The following WDHD1 variants were observed in gnomAD, a reference collection of about 807,000 sequenced individuals.
WDHD1 encodes WD repeat and HMG-box DNA-binding protein 1.
A neutral mutation model predicts 135.4 loss-of-function variants in WDHD1; 111 were observed. The ratio of observed to expected loss-of-function variants is 0.82; its 90% CI spans 0.70 to 0.96. The LOEUF (loss-of-function observed/expected upper bound fraction) is 0.96. WDHD1 is among the 40% of genes least tolerant of loss of function. The pLI, the probability that WDHD1 is intolerant of heterozygous loss-of-function variation, is 0.00. For missense variants in WDHD1, 1,351 were observed against 1,336.3 expected, an observed-to-expected ratio of 1.01 and a Z score of -0.17; for synonymous variants, 434 against 439.0, an observed-to-expected ratio of 0.99 and a Z score of 0.14.
chr14:54,949,708 A>G (rs2041007495), intron 24 of WDHD1, among the ~76,000 whole-genome samples: 1 of 152,218 alleles, frequency 6.6e-6, no homozygotes, highest in Non-Finnish European at 1.5e-5. Context: ...TGTCAGATTC[A>G]CCAAAGTTGA....
Position 55,013,136 on chromosome 14 carries a change from G to A in WDHD1, c.189+349C>T, listed in dbSNP as rs188408156. Among the ~76,000 whole-genome samples, 10 of 144,892 alleles carry A rather than the reference G, an allele frequency of 6.9e-5. No homozygotes were observed. The East Asian group carries it at 2.0e-3, about 29-fold the overall frequency. On this transcript the variant is annotated intron_variant, in intron 3 of 25. Coordinates refer to ENST00000360586, the MANE Select transcript of WDHD1 (RefSeq NM_007086.4). Reference sequence around the variant, plus strand: ...AGCTGCCCGGGAGGCTGAACTGGGAGGACTGCTTGAGCCCAGGAGTTTGAG... The same window carrying A: ...AGCTGCCCGGGAGGCTGAACTGGGAAGACTGCTTGAGCCCAGGAGTTTGAG...
chr14:54,959,141 A>C (rs2041207143), intron 21 of WDHD1, among the ~76,000 whole-genome samples: 1 of 151,558 alleles, frequency 6.6e-6, no homozygotes, highest in Non-Finnish European at 1.5e-5. Context: ...GAGGCTGAGG[A>C]GGGAGGACTG....
intron 16 of WDHD1, among the ~76,000 whole-genome samples, chr14:54,978,888 C>A (rs1219133311): frequency 6.6e-6 from 1 of 152,226 alleles, no homozygotes. Flanking sequence ...CCAAATCTAT[C>A]TGCATTTGTG....
chr14:54,977,915 AAAAAAAAAAAGCATGTTAAG>A (rs2041554062), intron 16 of WDHD1, among the ~76,000 whole-genome samples: 10 of 149,200 alleles, frequency 6.7e-5, no homozygotes, highest in Admixed American at 4.7e-4. Context: ...TTGTGTGGAA[AAAAAAAAAAAGCATGTTAAG>A]AAAAAAAAAG....
intron 21 of WDHD1, among the ~76,000 whole-genome samples, chr14:54,958,143 T>C (rs2041191272): frequency 6.6e-6 from 1 of 151,826 alleles, no homozygotes; most frequent in Admixed American, 6.6e-5. Context: ...TTTTTTTTTT[T>C]GAGACAGAGT....
chr14:55,017,118 G>C (rs2140230034), intron 2 of WDHD1, among the ~76,000 whole-genome samples: 1 of 152,234 alleles, frequency 6.6e-6, no homozygotes, highest in South Asian at 2.1e-4. Flanking sequence ...CATCAGTGGG[G>C]ATTCTATCTA....
At chr14:54,972,470 C>T (rs933961227) in intron 16 of WDHD1, among the ~76,000 whole-genome samples, 7 of 141,414 alleles carry the variant, frequency 4.9e-5, no homozygotes, top group South Asian at 2.3e-4. Context: ...CCCAGCTACT[C>T]GGGAGGGTAA....
At chr14:54,962,320 A>G (rs1189878628) in intron 21 of WDHD1, among the ~76,000 whole-genome samples, 178 bp downstream of exon 21, 1 of 152,190 alleles carries the variant, frequency 6.6e-6, no homozygotes, top group Non-Finnish European at 1.5e-5. Context: ...GGCATTTTAT[A>G]AACATCTGTT....
chr14:55,007,416 TCC>T, intron 6 of WDHD1, 41 bp from the exon 7 acceptor site: 1 of 1,412,428 alleles, frequency 7.1e-7, no homozygotes, highest in Non-Finnish European at 9.7e-7. Flanking sequence ...TTTATGAAAA[TCC>T]CCCCCAAAAT....
chr14:54,988,119 C>A (rs943678052), intron 13 of WDHD1, among the ~76,000 whole-genome samples: 14 of 152,166 alleles, frequency 9.2e-5, no homozygotes, highest in African/African-American at 3.4e-4. Flanking sequence ...TTTTTCTTGA[C>A]ATCTATCTAC....
intron 23 of WDHD1, 38 bp downstream of exon 23, chr14:54,956,996 A>C: frequency 1.9e-6 from 3 of 1,595,036 alleles, no homozygotes; most frequent in Non-Finnish European, 2.6e-6. Context: ...AACAGATCCC[A>C]TGCTGCTTAC....
intron 17 of WDHD1, 111 bp downstream of exon 17, chr14:54,967,169 A>C (rs2041358283): frequency 2.3e-6 from 2 of 886,698 alleles, no homozygotes; most frequent in African/African-American, 1.7e-5. Flanking sequence ...CTATTTATGT[A>C]ATTATACAGT....
chr14:54,989,956 G>A (rs2041758125), intron 12 of WDHD1, among the ~76,000 whole-genome samples: 2 of 152,206 alleles, frequency 1.3e-5, no homozygotes, highest in South Asian at 2.1e-4. Flanking sequence ...GAGCCATCAC[G>A]CCCGGCAGAG....
chr14:55,006,550 AT>A (rs1214853564), intron 7 of WDHD1, among the ~76,000 whole-genome samples: 1 of 152,034 alleles, frequency 6.6e-6, no homozygotes, highest in Non-Finnish European at 1.5e-5. Flanking sequence ...TTTTCTTGGG[AT>A]TTACTCATAT....
At position 55,002,179 on chromosome 14, in the gene WDHD1, C is replaced by A. The variant is rs756619414; in HGVS notation, c.607G>T (p.Ala203Ser). The A allele has an allele frequency of 1.9e-6, 3 of 1,588,790 alleles. No homozygotes were observed. Among genetic ancestry groups the A allele is most frequent in the Non-Finnish European group, 2.6e-6 (3 of 1,169,012 alleles). ...AWQPKSGKLL[A>S]IPVEKSVKLY... is the part of the protein sequence containing the mutation. ...TTAACAGATTTTTCCACAGGAATTG[C>A]CAGTAACTATTAGAAAAGATAAACA... The change falls in exon 8 of 26, where the codon GCA becomes TCA. Residue 203 changes from alanine (A) to serine (S), a missense_variant. Physicochemically the swap from Ala to Ser is moderately conservative, Grantham distance 99. Coordinates refer to ENST00000360586, the MANE Select transcript of WDHD1 (RefSeq NM_007086.4).
At chr14:55,000,845 G>T in intron 9 of WDHD1, 41 bp downstream of exon 9, 1 of 1,387,496 alleles carries the variant, frequency 7.2e-7, no homozygotes, top group South Asian at 1.7e-5. Context: ...AAAACTAATA[G>T]AGATGAGCAA....
intron 14 of WDHD1, among the ~76,000 whole-genome samples, chr14:54,985,934 A>C (rs1235971926): frequency 6.6e-6 from 1 of 152,216 alleles, no homozygotes; most frequent in Non-Finnish European, 1.5e-5. Context: ...ACTACATAAG[A>C]AGCAAGCTTG....
intron 21 of WDHD1, 99 bp downstream of exon 21, chr14:54,962,399 A>AT (rs2041266258): frequency 4.6e-6 from 4 of 865,238 alleles, no homozygotes; most frequent in Non-Finnish European, 7.8e-6. Flanking sequence ...CACACACCAA[A>AT]AGTGGCCTTA....
At position 54,941,527 on chromosome 14, in the gene WDHD1, T is replaced by C; in HGVS notation, c.3353A>G (p.Asn1118Ser). The change falls in exon 26 of 26, where the codon AAT becomes AGT. Residue 1118 changes from asparagine to serine, a missense_variant. Asn to Ser is a conservative substitution (Grantham distance 46). Coordinates refer to ENST00000360586, the MANE Select transcript of WDHD1 (RefSeq NM_007086.4). Reference protein sequence around the residue: ...KKQKPLDFSTNQKLSAFAFKQ... With the variant: ...KKQKPLDFSTSQKLSAFAFKQ... ...AAATGCAAAAGCTGATAGTTTCTGA[T>C]TTGTAGAAAAATCTAAAGGTTTCTG... 1 of 1,613,308 alleles carries C rather than the reference T, an allele frequency of 6.2e-7. No homozygotes were observed. Among genetic ancestry groups the C allele is most frequent in the Admixed American group, 1.7e-5 (1 of 59,954 alleles).
Sources: gnomAD v4.1 joint callset for allele counts (sites outside exome capture counted in the v4.1 genomes callset) on GRCh38, gnomAD v4.1.1 for gene constraint, MANE v1.5 for transcripts, NCBI Gene and HGNC (gene_info 2026-07-23, HGNC 2026-07-21) for gene names.